SYT1: variants seen among roughly 807,000 people sequenced by gnomAD.
SYT1 encodes synaptotagmin-1.
In SYT1, 8 loss-of-function variants were observed where a neutral mutation model predicts 44.8. The observed-to-expected ratio is 0.18, with a 90% CI of 0.10 to 0.32. The LOEUF (loss-of-function observed/expected upper bound fraction) is 0.32. Ranked by LOEUF, SYT1 falls within the 10% of genes least tolerant of loss-of-function variation. The pLI is 1.00. For synonymous variants in SYT1, 154 were observed against 188.8 expected (o/e 0.82, Z 1.51); for missense variants, 286 against 509.3 (o/e 0.56, Z 4.22).
chr12:79,427,718 G>A (rs1398753588), intron 9 of SYT1, among the ~76,000 whole-genome samples: 1 of 152,108 alleles, frequency 6.6e-6, no homozygotes, highest in Non-Finnish European at 1.5e-5. Context: ...ATGAGGAGGA[G>A]GCATCCCAGG....
At chr12:79,011,799 T>C (rs1871423586) in intron 2 of SYT1, among the ~76,000 whole-genome samples, 1 of 152,072 alleles carries the variant, frequency 6.6e-6, no homozygotes, top group Non-Finnish European at 1.5e-5. Flanking sequence ...TAGGAAACTT[T>C]GCCTAAAATA....
intron 2 of SYT1, among the ~76,000 whole-genome samples, chr12:79,028,847 C>T (rs187636039): frequency 6.6e-6 from 1 of 151,320 alleles, no homozygotes; most frequent in East Asian, 1.9e-4. Flanking sequence ...TACCCATGAC[C>T]TTGTCTCAAG....
At chr12:79,172,001 T>G (rs1565837323) in intron 3 of SYT1, among the ~76,000 whole-genome samples, 1 of 152,026 alleles carries the variant, frequency 6.6e-6, no homozygotes, top group Non-Finnish European at 1.5e-5. Context: ...ATCTTGATTG[T>G]TACTACTATA....
chr12:79,379,662 A>G (rs1166524309), intron 9 of SYT1, among the ~76,000 whole-genome samples: 2 of 152,198 alleles, frequency 1.3e-5, no homozygotes, highest in Non-Finnish European at 2.9e-5. Context: ...CTCTTCATGT[A>G]GTAATCGTGT....
chr12:79,018,856 A>T (rs990535537), intron 2 of SYT1, among the ~76,000 whole-genome samples: 11 of 152,056 alleles, frequency 7.2e-5, no homozygotes, highest in African/African-American at 2.7e-4. Context: ...TGTATGAATC[A>T]GTTGGATTCT....
At chr12:78,929,713 C>T (rs1877527392) in intron 1 of SYT1, among the ~76,000 whole-genome samples, 1 of 152,062 alleles carries the variant, frequency 6.6e-6, no homozygotes, top group Admixed American at 6.6e-5. Context: ...TCCTTCTGAG[C>T]CTCAGTATTC....
chr12:78,877,654 A>G (rs189263891), intron 1 of SYT1, among the ~76,000 whole-genome samples: 1 of 144,622 alleles, frequency 6.9e-6, no homozygotes, highest in East Asian at 2.1e-4. Flanking sequence ...ACAATCTAAC[A>G]ATGTATAACA....
At chr12:79,385,075 C>T (rs1400898318) in intron 9 of SYT1, among the ~76,000 whole-genome samples, 1 of 150,752 alleles carries the variant, frequency 6.6e-6, no homozygotes, top group Non-Finnish European at 1.5e-5. Context: ...CAACCTCCGC[C>T]TCCTAGATTC....
At chr12:79,100,746 G>C (rs1878400352) in intron 3 of SYT1, among the ~76,000 whole-genome samples, 1 of 151,946 alleles carries the variant, frequency 6.6e-6, no homozygotes, top group African/African-American at 2.4e-5. Context: ...TGTCTTAGTT[G>C]ACCTGTTTCG....
At chr12:78,903,007 G>T (rs1354608967) in intron 1 of SYT1, among the ~76,000 whole-genome samples, 1 of 152,034 alleles carries the variant, frequency 6.6e-6, no homozygotes, top group Non-Finnish European at 1.5e-5. Context: ...AGGAATTAGG[G>T]TCATAGTATT....
At chr12:79,147,884 A>G (rs1870018874) in intron 3 of SYT1, among the ~76,000 whole-genome samples, 1 of 152,238 alleles carries the variant, frequency 6.6e-6, no homozygotes, top group Admixed American at 6.5e-5. Context: ...TGAAATAGTA[A>G]TGAATTTCAG....
intron 8 of SYT1, among the ~76,000 whole-genome samples, chr12:79,329,696 T>C (rs914156812): frequency 4.6e-5 from 7 of 152,150 alleles, no homozygotes; most frequent in African/African-American, 1.7e-4. Flanking sequence ...GTCACCTATC[T>C]AGTAAGTGGC....
At chr12:79,020,716 T>C (rs925936229) in intron 2 of SYT1, among the ~76,000 whole-genome samples, 1 of 151,948 alleles carries the variant, frequency 6.6e-6, no homozygotes, top group Non-Finnish European at 1.5e-5. Context: ...CTGGGTTTTC[T>C]GTGCTCTGGA....
intron 2 of SYT1, among the ~76,000 whole-genome samples, chr12:78,992,823 G>A (rs1870108438): frequency 6.6e-6 from 1 of 152,122 alleles, no homozygotes; most frequent in South Asian, 2.1e-4. Context: ...CATCATGTGG[G>A]TGTAATAAGT....
chr12:79,277,134 A>C (rs928687417), intron 4 of SYT1, among the ~76,000 whole-genome samples: 7 of 152,218 alleles, frequency 4.6e-5, no homozygotes, highest in African/African-American at 1.7e-4. Context: ...CAAAAAGCTC[A>C]AAGAACTCCT....
intron 3 of SYT1, among the ~76,000 whole-genome samples, chr12:79,085,926 A>T (rs1877348353): frequency 6.6e-6 from 1 of 152,042 alleles, no homozygotes; most frequent in Admixed American, 6.6e-5. Context: ...GACAAGATGA[A>T]CTCTAAGATT....
At chr12:78,972,203 C>T (rs569722260) in intron 1 of SYT1, among the ~76,000 whole-genome samples, 3 of 152,112 alleles carry the variant, frequency 2.0e-5, no homozygotes, top group Admixed American at 6.5e-5. Flanking sequence ...ATGTAAATAT[C>T]ATGTAAGATA....
At chr12:79,130,591 G>A (rs1354802246) in intron 3 of SYT1, among the ~76,000 whole-genome samples, 1 of 152,176 alleles carries the variant, frequency 6.6e-6, no homozygotes, top group African/African-American at 2.4e-5. Flanking sequence ...TGCATCTTTT[G>A]TAAGATTTGG....
Position 79,179,456 on chromosome 12 carries a change from A to AGATAT in SYT1, c.-17-38047_-17-38046insGATAT, listed in dbSNP as rs10643941. Among the ~76,000 whole-genome samples, 360 of 86,554 alleles carry AGATAT rather than the reference A, an allele frequency of 4.2e-3. 30 individuals are homozygous for AGATAT. The highest frequency in any genetic ancestry group is 0.011 in the Middle Eastern group (1 of 88). The allele number at this position is 86,554 out of a possible 152,430, so 56.8% of individuals were successfully genotyped here. A position where few individuals can be genotyped will look rare whatever the true frequency, so the allele number is the denominator to read the frequency against. ...GATATATCCATATAGATATAGATAT[A>AGATAT]ATCTATATAGATATAGATATAGAGA... On this transcript the variant is annotated intron_variant, in intron 3 of 10. Coordinates refer to ENST00000261205, the MANE Select transcript of SYT1 (RefSeq NM_005639.3).
Sources: allele counts gnomAD v4.1 joint callset (sites outside exome capture counted in the v4.1 genomes callset), GRCh38; gene constraint gnomAD v4.1.1; transcripts MANE v1.5; gene names NCBI Gene and HGNC (gene_info 2026-07-23, HGNC 2026-07-21).